The following CDC5L variants were observed in gnomAD, a reference collection of about 807,000 sequenced individuals.
CDC5L encodes cell division cycle 5-like protein.
Under a neutral mutation model 104.1 loss-of-function variants are expected in CDC5L, and 18 were observed. The ratio of observed to expected loss-of-function variants is 0.17; its 90% confidence interval spans 0.12 to 0.26. CDC5L has a LOEUF of 0.26. CDC5L is among the 10% of genes least tolerant of loss of function. CDC5L has a pLI of 1.00. For missense variants in CDC5L, 673 were observed against 956.9 expected (o/e 0.70, Z 3.91); for synonymous variants, 331 against 322.7 (o/e 1.03, Z -0.28).
chr6:44,420,294 C>A (rs928146004), intron 9 of CDC5L, among the ~76,000 whole-genome samples: 1 of 152,176 alleles, frequency 6.6e-6, no homozygotes, highest in South Asian at 2.1e-4. Flanking sequence ...AGACATTGCC[C>A]TACCAACAGC....
intron 8 of CDC5L, among the ~76,000 whole-genome samples, chr6:44,415,517 G>A (rs1791868372): frequency 6.6e-6 from 1 of 152,164 alleles, no homozygotes; most frequent in Admixed American, 6.5e-5. Context: ...TGGTGTCAGG[G>A]ACCTGGGCAC....
chr6:44,406,720 C>T (rs1269135710), intron 7 of CDC5L, among the ~76,000 whole-genome samples: 2 of 152,084 alleles, frequency 1.3e-5, no homozygotes, highest in Non-Finnish European at 2.9e-5. Flanking sequence ...AGAAGGAGTT[C>T]CTGCCCAGCA....
At chr6:44,393,135 T>G (rs1790692790) in intron 3 of CDC5L, among the ~76,000 whole-genome samples, 1 of 150,338 alleles carries the variant, frequency 6.7e-6, no homozygotes, top group Non-Finnish European at 1.5e-5. Flanking sequence ...AAGAATTAAC[T>G]ACTGGAACAT....
intron 5 of CDC5L, among the ~76,000 whole-genome samples, chr6:44,400,278 A>G (rs1791061362): frequency 6.6e-6 from 1 of 152,148 alleles, no homozygotes; most frequent in Non-Finnish European, 1.5e-5. Context: ...TGCATGTCTT[A>G]TAATTTTTTG....
chr6:44,444,492 C>T (rs1272943571), intron 14 of CDC5L, among the ~76,000 whole-genome samples: 1 of 152,044 alleles, frequency 6.6e-6, no homozygotes, highest in East Asian at 1.9e-4. Context: ...GGGAAAGGCT[C>T]AGGATATGCC....
At chr6:44,426,277 T>C in intron 12 of CDC5L, 94 bp downstream of exon 12, 2 of 899,930 alleles carry the variant, frequency 2.2e-6, no homozygotes, top group Non-Finnish European at 3.4e-6. Context: ...AAAACAAAAT[T>C]TCATCTACTT....
chr6:44,429,542 A>T (rs1176971632), intron 13 of CDC5L, among the ~76,000 whole-genome samples, 171 bp from the exon 14 acceptor site: 1 of 152,148 alleles, frequency 6.6e-6, no homozygotes, highest in East Asian at 1.9e-4. Context: ...ATTGACTCAA[A>T]GGCTTCTTAA....
At chr6:44,429,588 A>G (rs979925522) in intron 13 of CDC5L, 125 bp from the exon 14 acceptor site, 8 of 776,750 alleles carry the variant, frequency 1.0e-5, no homozygotes, top group African/African-American at 7.0e-5. Flanking sequence ...CACCCTTCCA[A>G]AAAACAACCA....
chr6:44,406,837 C>T (rs1252549663), intron 7 of CDC5L, among the ~76,000 whole-genome samples: 1 of 151,848 alleles, frequency 6.6e-6, no homozygotes, highest in African/African-American at 2.4e-5. Context: ...CACTGGAACC[C>T]GGGAGGTGGA....
intron 14 of CDC5L, among the ~76,000 whole-genome samples, chr6:44,434,945 A>C (rs1473273942): frequency 6.6e-6 from 1 of 152,152 alleles, no homozygotes; most frequent in Non-Finnish European, 1.5e-5. Context: ...ATTTAAAAAA[A>C]TAACATTTCT....
intron 8 of CDC5L, among the ~76,000 whole-genome samples, chr6:44,411,627 A>AGTGTGT (rs1340879871): frequency 2.0e-3 from 11 of 5,380 alleles, no homozygotes; most frequent in Non-Finnish European, 5.4e-3. Context: ...AGAGAGAGAG[A>AGTGTGT]GAGAGAGAGA....
intron 14 of CDC5L, among the ~76,000 whole-genome samples, chr6:44,433,302 G>A (rs965671768): frequency 9.2e-5 from 14 of 152,240 alleles, no homozygotes; most frequent in Admixed American, 4.6e-4. Context: ...GGAGAACCTC[G>A]TTTTCTGATG....
At chr6:44,441,539 GT>G in intron 14 of CDC5L, among the ~76,000 whole-genome samples, 1 of 152,286 alleles carries the variant, frequency 6.6e-6, no homozygotes, top group East Asian at 1.9e-4. Context: ...CCTCCATACT[GT>G]TTTCCATAAT....
chr6:44,429,682 T>C (rs1280712818), intron 13 of CDC5L, 31 bp from the exon 14 acceptor site: 4 of 1,597,068 alleles, frequency 2.5e-6, no homozygotes, highest in Non-Finnish European at 3.4e-6. Flanking sequence ...TTTGTAGTAC[T>C]TAAACTTATT....
intron 14 of CDC5L, among the ~76,000 whole-genome samples, chr6:44,430,297 T>A (rs767672136): frequency 6.6e-6 from 1 of 151,722 alleles, no homozygotes; most frequent in African/African-American, 2.4e-5. Flanking sequence ...GGAGTTTTCT[T>A]TTTATAACAA....
intron 14 of CDC5L, among the ~76,000 whole-genome samples, chr6:44,430,266 G>A (rs890794325): frequency 2.0e-5 from 3 of 151,872 alleles, no homozygotes; most frequent in African/African-American, 4.8e-5. Flanking sequence ...TTTCTCTGAA[G>A]AGGAATCTCA....
chr6:44,388,087 C>G (rs1790417951), intron 1 of CDC5L, among the ~76,000 whole-genome samples: 1 of 151,696 alleles, frequency 6.6e-6, no homozygotes, highest in South Asian at 2.1e-4. Context: ...TACTCGGCTC[C>G]AAGCTCACTT....
At chr6:44,438,240 T>TG (rs940666037) in intron 14 of CDC5L, among the ~76,000 whole-genome samples, 1 of 152,216 alleles carries the variant, frequency 6.6e-6, no homozygotes, top group African/African-American at 2.4e-5. Flanking sequence ...GAACCACTGT[T>TG]GCCTGGCTGA....
chr6:44,426,235 T>C, intron 12 of CDC5L, 52 bp downstream of exon 12: 6 of 1,278,334 alleles, frequency 4.7e-6, no homozygotes, highest in Non-Finnish European at 6.7e-6. Context: ...TTTTATATGA[T>C]TGCTGCGTTT....
Sources: allele counts gnomAD v4.1 joint callset (sites outside exome capture counted in the v4.1 genomes callset), GRCh38; gene constraint gnomAD v4.1.1; transcripts MANE v1.5; gene names NCBI Gene and HGNC (gene_info 2026-07-23, HGNC 2026-07-21).